Variants in ZC2HC1B observed in about 807,000 individuals in gnomAD.
The protein encoded by ZC2HC1B is zinc finger C2HC-type containing 1B.
A neutral mutation model predicts 31.0 loss-of-function variants in ZC2HC1B; 36 were observed. The observed-to-expected ratio is 1.16, with a 90% CI of 0.89 to 1.54. The LOEUF (loss-of-function observed/expected upper bound fraction) is 1.54. Ranked by LOEUF, ZC2HC1B falls within the 40% of genes most tolerant of loss-of-function variation. The pLI is 0.00. For synonymous variants in ZC2HC1B, 73 were observed against 88.0 expected (o/e 0.83, Z 0.95); for missense variants, 260 against 268.6 (o/e 0.97, Z 0.22).
intron 6 of ZC2HC1B, among the ~76,000 whole-genome samples, chr6:143,928,640 T>C (rs1778079731): frequency 6.6e-6 from 1 of 152,128 alleles, no homozygotes; most frequent in African/African-American, 2.4e-5. Flanking sequence ...GCTATTTTGA[T>C]AGGAATTCTG....
rs1358308613 is a variant in ZC2HC1B, at chr6:143,908,217, C to T, written c.598+5065C>T. 1.3e-5 allele frequency among the ~76,000 whole-genome samples: 2 copies of T among 152,064 alleles called. No individual in the cohort carries two copies. The highest frequency in any genetic ancestry group is 6.6e-5 in the Admixed American group (1 of 15,256). On this transcript the variant is annotated intron_variant, in intron 6 of 7. Coordinates refer to ENST00000237275, the MANE Select transcript of ZC2HC1B (RefSeq NM_001013623.3). This position sits in a 1 kb window ranked among gnomAD's most constrained non-coding sequence, Gnocchi z 4.4. ...TTTGAAGTTGGGTAGCGTGATGGCT[C>T]CAGCTTTGTTCTTTTTGCTTAGGAT...
At chr6:143,879,796 T>G (rs906644287) in intron 1 of ZC2HC1B, among the ~76,000 whole-genome samples, 7 of 151,080 alleles carry the variant, frequency 4.6e-5, no homozygotes, top group East Asian at 1.9e-4. Context: ...TTTTTGTTTT[T>G]TTTTTTTTCC....
intron 1 of ZC2HC1B, among the ~76,000 whole-genome samples, chr6:143,866,571 A>G (rs938459425): frequency 6.6e-6 from 1 of 152,372 alleles, no homozygotes. Context: ...TCTGAAGTGC[A>G]GTTACCGCTT....
rs939740925 is a variant in ZC2HC1B at position 143,869,273 on chromosome 6, G to C, written c.28+4706G>C. ...TCCATGCCTACTCTTCCTTACCTCT[G>C]TTGTGGAGTAGTAGAGCATACACGA... On this transcript the variant is annotated intron_variant, in intron 1 of 7. Transcript: ENST00000237275. This position sits in a 1 kb window ranked among gnomAD's most constrained non-coding sequence, Gnocchi z 5.2. 2.6e-5 allele frequency among the ~76,000 whole-genome samples: 4 copies of C among 152,156 alleles called. No homozygotes were observed. Among genetic ancestry groups the C allele is most frequent in the African/African-American group, 9.7e-5 (4 of 41,426 alleles).
chr6:143,865,223 A>G lies in ZC2HC1B; in HGVS notation c.28+656A>G, dbSNP rs188447880. On this transcript the variant is annotated intron_variant, in intron 1 of 7. Transcript: ENST00000237275. This position sits in a 1 kb window ranked among gnomAD's most constrained non-coding sequence, Gnocchi z 4.4. Reference sequence around the variant, plus strand: ...TAAATGATGATTGGGAACTGAACATAAAAGCTCCATGCTAAATGTTGGGAG... The same window carrying G: ...TAAATGATGATTGGGAACTGAACATGAAAGCTCCATGCTAAATGTTGGGAG... Among the ~76,000 whole-genome samples, 44 of 152,344 alleles carry G rather than the reference A, an allele frequency of 2.9e-4. No individual in the cohort carries two copies. The highest frequency in any genetic ancestry group is 6.8e-3 in the Middle Eastern group (2 of 294).
In ZC2HC1B at chr6:143,937,640, T is replaced by C; in HGVS notation, c.599-9T>C. 1 of 1,543,204 alleles carries C rather than the reference T, an allele frequency of 6.5e-7. No homozygotes were observed. The highest frequency in any genetic ancestry group is 2.5e-5 in the East Asian group (1 of 40,796). On this transcript the variant is annotated splice_polypyrimidine_tract_variant and intron_variant, in intron 6 of 7. Coordinates refer to ENST00000237275, the MANE Select transcript of ZC2HC1B (RefSeq NM_001013623.3). ...TGACATAATAACAAATCTGTTTATG[T>C]TTGCAAAGGATTAGCTATGGACCCT... is the stretch of plus-strand genomic sequence containing the variant.
In ZC2HC1B at chr6:143,894,004, A is replaced by G. The variant is rs540990676; in HGVS notation, c.350-4548A>G. Reference sequence around the variant, plus strand: ...CCCGGCCTGCACTGGTATTTTCTTAATAAGTTAAACATACACTTAGCCTAT... The same window carrying G: ...CCCGGCCTGCACTGGTATTTTCTTAGTAAGTTAAACATACACTTAGCCTAT... On this transcript the variant is annotated intron_variant, in intron 4 of 7. Transcript: ENST00000237275. 1.2e-4 allele frequency among the ~76,000 whole-genome samples: 19 copies of G among 152,306 alleles called. 1 individual carries two copies. Among genetic ancestry groups the G allele is most frequent in the Middle Eastern group, 3.4e-3 (1 of 294 alleles).
intron 4 of ZC2HC1B, 53 bp from the exon 5 acceptor site, chr6:143,898,499 C>T: frequency 6.5e-7 from 1 of 1,534,772 alleles, no homozygotes; most frequent in Non-Finnish European, 8.8e-7. Flanking sequence ...CTATAGTATT[C>T]TATAGTTGTT....
rs1777850226 is a variant in ZC2HC1B at position 143,911,093 on chromosome 6, G to A, written c.598+7941G>A. Among the ~76,000 whole-genome samples the A allele has an allele frequency of 6.6e-6, 1 of 152,150 alleles. No individual in the cohort carries two copies. ...GCCTGTTTTGTCAGAAACTAGGATT[G>A]CAACCCCTGCTTTTTTCAATATTTT... On this transcript the variant is annotated intron_variant, in intron 6 of 7. Transcript: ENST00000237275. This position sits in a 1 kb window ranked among gnomAD's most constrained non-coding sequence, Gnocchi z 4.5.
chr6:143,884,209 G>A lies in ZC2HC1B; in HGVS notation c.29-95G>A, dbSNP rs1777504760. The A allele has an allele frequency of 2.8e-6, 3 of 1,085,572 alleles. No homozygotes were observed. The highest frequency in any genetic ancestry group is 4.7e-5 in the Admixed American group (2 of 42,914). 67.2% of individuals were successfully genotyped at this position (1,085,572 alleles called of 1,614,324 possible). ...TGGTGGGGAGGGAAAAGAGAGTGAGGATATCAAGCTATTGAGGTCACCTCC... is the reference window on the plus strand; with the variant it reads ...TGGTGGGGAGGGAAAAGAGAGTGAGAATATCAAGCTATTGAGGTCACCTCC... On this transcript the variant is annotated intron_variant, in intron 1 of 7. Coordinates refer to ENST00000237275, the MANE Select transcript of ZC2HC1B (RefSeq NM_001013623.3). The surrounding 1 kb of genome is among the most constrained non-coding windows in gnomAD (Gnocchi z 5.1).
rs549688342 is a variant in ZC2HC1B at position 143,898,827 on chromosome 6, C to G, written c.489+136C>G. 8.8e-6 allele frequency: 10 copies of G among 1,132,178 alleles called. No individual in the cohort carries two copies. The East Asian group carries it at 2.3e-4, about 27-fold the overall frequency. 70.1% of individuals were successfully genotyped at this position (1,132,178 alleles called of 1,614,324 possible). A position where few individuals can be genotyped will look rare whatever the true frequency, so the allele number is the denominator to read the frequency against. ...AGAGAGCTGATCATGATTGCTCACC[C>G]CTGTGGGAGCTGACTTCTTTTGCAG... On this transcript the variant is annotated intron_variant, in intron 5 of 7. Transcript: ENST00000237275.
In ZC2HC1B at chr6:143,890,706, G is replaced by T. The variant is rs561998324; in HGVS notation, c.349+3885G>T. Among the ~76,000 whole-genome samples, 490 of 152,298 alleles carry T rather than the reference G, an allele frequency of 3.2e-3. 4 individuals carry two copies. The highest frequency in any genetic ancestry group is 9.7e-3 in the African/African-American group (404 of 41,566). On this transcript the variant is annotated intron_variant, in intron 4 of 7. Transcript: ENST00000237275. ...ATTCACAGACAACATAATTGTGAAT[G>T]AGTAAATATAGAAAATTCTAGGGAA...
chr6:143,866,303 C>T (rs542702736), intron 1 of ZC2HC1B, among the ~76,000 whole-genome samples: 1 of 152,328 alleles, frequency 6.6e-6, no homozygotes, highest in South Asian at 2.1e-4. Flanking sequence ...CCTAGCCTAC[C>T]TTAAACTTGC....
rs1024959656 is a variant in ZC2HC1B, at chr6:143,872,689, A to G, written c.28+8122A>G. ...GCAGAAGGCAAAAGGCACTACTTAC[A>G]TGGTGGCAGCAAGAGAAAATGAGGA... is the stretch of plus-strand genomic sequence containing the variant. On this transcript the variant is annotated intron_variant, in intron 1 of 7. Coordinates refer to ENST00000237275, the MANE Select transcript of ZC2HC1B (RefSeq NM_001013623.3). This position sits in a 1 kb window ranked among gnomAD's most constrained non-coding sequence, Gnocchi z 5.5. Among the ~76,000 whole-genome samples the G allele has an allele frequency of 3.9e-5, 6 of 152,212 alleles. No homozygotes were observed. Among genetic ancestry groups the G allele is most frequent in the African/African-American group, 1.4e-4 (6 of 41,452 alleles).
chr6:143,919,805 G>A (rs778428367), intron 6 of ZC2HC1B, among the ~76,000 whole-genome samples: 2 of 152,158 alleles, frequency 1.3e-5, no homozygotes, highest in African/African-American at 2.4e-5. Context: ...TCCCCTGGAA[G>A]TTGCAAGTCT....
chr6:143,897,438 C>T (rs756816945), intron 4 of ZC2HC1B, among the ~76,000 whole-genome samples: 3 of 151,290 alleles, frequency 2.0e-5, no homozygotes, highest in Non-Finnish European at 4.4e-5. Flanking sequence ...TTGCCTGTTT[C>T]CCACTTCTCA....
chr6:143,881,985 C>T (rs1309791709), intron 1 of ZC2HC1B, among the ~76,000 whole-genome samples: 1 of 152,110 alleles, frequency 6.6e-6, no homozygotes, highest in Non-Finnish European at 1.5e-5. Context: ...ACTAACATCT[C>T]TCTAGTTGTA....
chr6:143,911,718 A>G lies in ZC2HC1B; in HGVS notation c.598+8566A>G, dbSNP rs573338373. Among the ~76,000 whole-genome samples, 7 of 151,922 alleles carry G rather than the reference A, an allele frequency of 4.6e-5. No homozygotes were observed. The highest frequency in any genetic ancestry group is 1.4e-4 in the African/African-American group (6 of 41,396). ...CTTAACCATTTTTTCTTTCATTTCA[A>G]TCTTGAAGAATCTGATTATTATGTG... On this transcript the variant is annotated intron_variant, in intron 6 of 7. Coordinates refer to ENST00000237275, the MANE Select transcript of ZC2HC1B (RefSeq NM_001013623.3). The surrounding 1 kb of genome is among the most constrained non-coding windows in gnomAD (Gnocchi z 4.5).
In ZC2HC1B at chr6:143,867,774, C is replaced by T. The variant is rs1777282725; in HGVS notation, c.28+3207C>T. ...ATCTTAGTCGTGATAGCCGTCAACA[C>T]GTCTGTCTCTAATCACACACCTCAA... On this transcript the variant is annotated intron_variant, in intron 1 of 7. Coordinates refer to ENST00000237275, the MANE Select transcript of ZC2HC1B (RefSeq NM_001013623.3). Among the ~76,000 whole-genome samples the T allele has an allele frequency of 1.1e-4, 17 of 152,334 alleles. 1 individual carries two copies. In the South Asian group the frequency reaches 3.3e-3, roughly 30 times the overall value.
Sources: allele counts gnomAD v4.1 joint callset (sites outside exome capture counted in the v4.1 genomes callset), GRCh38; gene constraint gnomAD v4.1.1; non-coding constraint Gnocchi (gnomAD v3.1); transcripts MANE v1.5; gene names NCBI Gene and HGNC (gene_info 2026-07-23, HGNC 2026-07-21).